The following TLK2 variants were observed in gnomAD, a reference collection of about 807,000 sequenced individuals.
TLK2 encodes serine/threonine-protein kinase tousled-like 2.
In TLK2, 6 loss-of-function variants were observed where a neutral mutation model predicts 117.3. That is an observed-to-expected ratio of 0.05 (90% CI 0.03 to 0.10). The LOEUF (loss-of-function observed/expected upper bound fraction) is 0.10. Ranked by LOEUF, TLK2 falls within the 10% of genes least tolerant of loss-of-function variation. The pLI is 1.00. For missense variants in TLK2, 299 were observed against 901.2 expected (o/e 0.33, Z 8.56); for synonymous variants, 257 against 316.7 (o/e 0.81, Z 2.00).
At chr17:62,572,752 T>C (rs1390629352) in intron 11 of TLK2, 1 of 153,006 alleles carries the variant, frequency 6.5e-6, no homozygotes, top group Non-Finnish European at 1.5e-5. Context: ...TCTTGTTTAC[T>C]TTCTTTAGCA....
chr17:62,483,137 A>C (rs1243177141), intron 2 of TLK2, among the ~76,000 whole-genome samples: 1 of 152,194 alleles, frequency 6.6e-6, no homozygotes, highest in Non-Finnish European at 1.5e-5. Context: ...GTGTCTTTTT[A>C]ACTTGAAGAT....
At chr17:62,496,782 C>T (rs1376345134) in intron 2 of TLK2, among the ~76,000 whole-genome samples, 2 of 151,918 alleles carry the variant, frequency 1.3e-5, no homozygotes, top group Middle Eastern at 3.4e-3. Context: ...AGTGAAACCC[C>T]GTCTCTACTA....
intron 16 of TLK2, among the ~76,000 whole-genome samples, chr17:62,590,832 G>A (rs1224000490): frequency 6.6e-6 from 1 of 152,170 alleles, no homozygotes; most frequent in South Asian, 2.1e-4. Flanking sequence ...AGTCAGTTTT[G>A]TAAAATAAAA....
At chr17:62,486,011 G>A (rs1382271075) in intron 2 of TLK2, among the ~76,000 whole-genome samples, 2 of 151,742 alleles carry the variant, frequency 1.3e-5, no homozygotes, top group African/African-American at 2.4e-5. Context: ...TAGTAGAGAC[G>A]GGGTTTCACC....
At chr17:62,477,632 T>C (rs1180385409), upstream of TLK2, 1 of 152,202 alleles carries the variant, frequency 6.6e-6, no homozygotes, top group East Asian at 1.9e-4. Flanking sequence ...CCCTTGAGAT[T>C]TGCTTGTAGT....
chr17:62,580,520 C>T (rs961598032), intron 15 of TLK2, among the ~76,000 whole-genome samples: 2 of 152,152 alleles, frequency 1.3e-5, no homozygotes, highest in Admixed American at 1.3e-4. Flanking sequence ...TATGTGCTAT[C>T]TTTCTTTCTT....
intron 6 of TLK2, among the ~76,000 whole-genome samples, chr17:62,527,826 T>C (rs1451069587): frequency 6.6e-6 from 1 of 151,982 alleles, no homozygotes; most frequent in Admixed American, 6.6e-5. Flanking sequence ...CACCGCAACC[T>C]CCGCCTTCCA....
intron 2 of TLK2, among the ~76,000 whole-genome samples, chr17:62,515,739 A>G (rs1050877536): frequency 6.6e-6 from 1 of 152,140 alleles, no homozygotes; most frequent in Non-Finnish European, 1.5e-5. Flanking sequence ...ATGCCTTACC[A>G]TATATGTAAA....
At chr17:62,510,375 C>T (rs558452534) in intron 2 of TLK2, among the ~76,000 whole-genome samples, 2 of 152,276 alleles carry the variant, frequency 1.3e-5, no homozygotes, top group South Asian at 2.1e-4. Context: ...AGCCTTGGTT[C>T]AGATCTTGGC....
At chr17:62,594,312 G>A (rs2082297116) in intron 16 of TLK2, among the ~76,000 whole-genome samples, 2 of 152,086 alleles carry the variant, frequency 1.3e-5, no homozygotes, top group Admixed American at 1.3e-4. Context: ...GGAGGCTGAG[G>A]CAGGAGAATC....
intron 2 of TLK2, among the ~76,000 whole-genome samples, chr17:62,495,720 A>T (rs1171079438): frequency 6.7e-6 from 1 of 150,060 alleles, no homozygotes; most frequent in African/African-American, 2.4e-5. Context: ...GGGCAATGTC[A>T]TGATCTCGGC....
intron 2 of TLK2, among the ~76,000 whole-genome samples, chr17:62,512,785 C>T (rs1195579524): frequency 4.6e-5 from 7 of 151,136 alleles, no homozygotes; most frequent in Non-Finnish European, 8.9e-5. Flanking sequence ...TTTTTCTCCC[C>T]TTTTTTCCTA....
At chr17:62,478,724 A>G (rs1462125536), upstream of TLK2, among the ~76,000 whole-genome samples, 1 of 23,136 alleles carries the variant, frequency 4.3e-5, no homozygotes, top group East Asian at 1.7e-3. Flanking sequence ...CTGCTCCCCC[A>G]CTGTCGGCGC....
chr17:62,475,341 C>CAAT (rs931855951), upstream of TLK2, among the ~76,000 whole-genome samples: 1 of 152,024 alleles, frequency 6.6e-6, no homozygotes, highest in African/African-American at 2.4e-5. Context: ...TCAAGAATAA[C>CAAT]AATAATAATA....
At chr17:62,495,261 C>T (rs539493887) in intron 2 of TLK2, among the ~76,000 whole-genome samples, 73 of 151,892 alleles carry the variant, frequency 4.8e-4, no homozygotes, top group African/African-American at 1.6e-3. Flanking sequence ...GTCTAGCCCG[C>T]GCAACAGGAG....
At chr17:62,494,600 A>G (rs1228422214) in intron 2 of TLK2, among the ~76,000 whole-genome samples, 1 of 151,584 alleles carries the variant, frequency 6.6e-6, no homozygotes, top group Non-Finnish European at 1.5e-5. Context: ...TGCCCAGGCT[A>G]GTCTCGAACT....
At chr17:62,505,464 A>G (rs868344220) in intron 2 of TLK2, among the ~76,000 whole-genome samples, 1 of 129,344 alleles carries the variant, frequency 7.7e-6, no homozygotes, top group Non-Finnish European at 1.5e-5. Context: ...ACATTGCTCA[A>G]GCTGTCTTGA....
At chr17:62,547,510 TGTA>T (rs1336594194) in intron 7 of TLK2, among the ~76,000 whole-genome samples, 5 of 152,220 alleles carry the variant, frequency 3.3e-5, no homozygotes, top group African/African-American at 1.2e-4. Flanking sequence ...CCCTATATTG[TGTA>T]GTACCTTTTA....
At chr17:62,508,168 GT>G (rs34268998) in intron 2 of TLK2, among the ~76,000 whole-genome samples, 189 of 125,742 alleles carry the variant, frequency 1.5e-3, no homozygotes, top group African/African-American at 4.5e-3. Flanking sequence ...AAATTTCCTA[GT>G]TTTTTTTTTT....
Sources: allele counts gnomAD v4.1 joint callset (sites outside exome capture counted in the v4.1 genomes callset), GRCh38; gene constraint gnomAD v4.1.1; transcripts MANE v1.5; gene names NCBI Gene and HGNC (gene_info 2026-07-23, HGNC 2026-07-21).